The following NDST4 variants were observed in gnomAD, a reference collection of about 807,000 sequenced individuals.
The protein encoded by NDST4 is N-heparan sulfate sulfotransferase 4.
A neutral mutation model predicts 100.8 loss-of-function variants in NDST4; 63 were observed. The observed-to-expected ratio is 0.62, with a 90% CI of 0.51 to 0.77. NDST4 has a LOEUF of 0.77. Ranked by LOEUF, NDST4 falls within the 30% of genes least tolerant of loss-of-function variation. The probability of loss-of-function intolerance (pLI) is 0.00; values close to 1 mark genes in which losing one functional copy is unlikely to be tolerated. For missense variants in NDST4, 943 were observed against 1,018.4 expected (o/e 0.93, Z 1.01); for synonymous variants, 377 against 361.8 (o/e 1.04, Z -0.48).
At chr4:114,832,685 C>T (rs1723225884) in intron 12 of NDST4, among the ~76,000 whole-genome samples, 1 of 152,088 alleles carries the variant, frequency 6.6e-6, no homozygotes, top group Non-Finnish European at 1.5e-5. Flanking sequence ...TTTGGACTGG[C>T]TTTAGTGACT....
intron 3 of NDST4, 36 bp downstream of exon 3, chr4:114,977,151 T>C (rs1726656761): frequency 8.0e-7 from 1 of 1,245,186 alleles, no homozygotes; most frequent in Non-Finnish European, 1.2e-6. Context: ...TTCCTATTTA[T>C]ATGTAGCTGC....
chr4:114,829,655 T>C (rs1723151978), intron 13 of NDST4, 135 bp downstream of exon 13: 2 of 575,206 alleles, frequency 3.5e-6, no homozygotes, highest in African/African-American at 3.8e-5. Context: ...ATTATCTCTA[T>C]CATCCTCTAA....
At chr4:114,954,449 G>C (rs956966667) in intron 4 of NDST4, among the ~76,000 whole-genome samples, 6 of 152,074 alleles carry the variant, frequency 3.9e-5, no homozygotes, top group African/African-American at 1.4e-4. Context: ...TAAACGGATT[G>C]AGGTATATTA....
intron 7 of NDST4, among the ~76,000 whole-genome samples, chr4:114,863,877 T>C (rs1723969767): frequency 6.6e-6 from 1 of 152,224 alleles, no homozygotes; most frequent in Non-Finnish European, 1.5e-5. Flanking sequence ...GATGAAATTA[T>C]GTTCCTTGCA....
chr4:115,068,894 G>T (rs1263477650), intron 2 of NDST4, among the ~76,000 whole-genome samples: 3 of 150,842 alleles, frequency 2.0e-5, no homozygotes, highest in Non-Finnish European at 4.4e-5. Context: ...CCAGTTAAAA[G>T]ACAATATAAT....
intron 6 of NDST4, among the ~76,000 whole-genome samples, chr4:114,929,070 G>GTCCGTCCGTCCGTCCGTCCA (rs1725447596): frequency 1.1e-5 from 1 of 92,782 alleles, no homozygotes; most frequent in East Asian, 3.4e-4. Context: ...CCGTCCGTCC[G>GTCCGTCCGTCCGTCCGTCCA]TCCGTCCATC....
At chr4:115,075,373 G>A (rs1191649421) in intron 2 of NDST4, among the ~76,000 whole-genome samples, 1 of 152,052 alleles carries the variant, frequency 6.6e-6, no homozygotes, top group Non-Finnish European at 1.5e-5. Context: ...GATTTGGCAG[G>A]GTAATAATCC....
chr4:115,017,679 G>A (rs1377432736), intron 2 of NDST4, among the ~76,000 whole-genome samples: 1 of 151,960 alleles, frequency 6.6e-6, no homozygotes, highest in Non-Finnish European at 1.5e-5. Context: ...CAGATGATAA[G>A]AGATCAATCC....
chr4:115,097,077 T>A (rs1485042280), intron 1 of NDST4, among the ~76,000 whole-genome samples: 2 of 152,122 alleles, frequency 1.3e-5, no homozygotes, highest in East Asian at 3.9e-4. Flanking sequence ...TTATGTTTTT[T>A]CTTAATCCTT....
chr4:114,990,771 G>A (rs1472483710), intron 2 of NDST4, among the ~76,000 whole-genome samples: 2 of 152,062 alleles, frequency 1.3e-5, no homozygotes, highest in African/African-American at 2.4e-5. Flanking sequence ...CTAATAGGAA[G>A]CAATTTGCTT....
chr4:114,851,069 C>G (rs572587410), intron 8 of NDST4, among the ~76,000 whole-genome samples: 1 of 152,212 alleles, frequency 6.6e-6, no homozygotes, highest in South Asian at 2.1e-4. Flanking sequence ...AAAAACTGAG[C>G]AAATAGGAGT....
chr4:114,914,947 T>A (rs1268902752), intron 6 of NDST4, among the ~76,000 whole-genome samples: 1 of 152,160 alleles, frequency 6.6e-6, no homozygotes, highest in Non-Finnish European at 1.5e-5. Flanking sequence ...TCTTTTAATA[T>A]CTGTTCCTAT....
chr4:114,931,379 A>G (rs971117566), intron 6 of NDST4, among the ~76,000 whole-genome samples: 4 of 151,628 alleles, frequency 2.6e-5, no homozygotes, highest in African/African-American at 9.7e-5. Context: ...AGGGAAATTT[A>G]TGGCACTAAA....
chr4:114,980,476 T>C (rs1191546922), intron 2 of NDST4, among the ~76,000 whole-genome samples: 1 of 152,022 alleles, frequency 6.6e-6, no homozygotes, highest in South Asian at 2.1e-4. Flanking sequence ...ACCCCTTCTC[T>C]ACTAATAATA....
chr4:115,019,771 A>G (rs984732370), intron 2 of NDST4, among the ~76,000 whole-genome samples: 3 of 152,148 alleles, frequency 2.0e-5, no homozygotes, highest in Admixed American at 1.3e-4. Context: ...CAACAAATGA[A>G]TAATGCTAGT....
intron 2 of NDST4, among the ~76,000 whole-genome samples, chr4:115,055,258 A>G (rs1276162017): frequency 4.6e-5 from 7 of 152,082 alleles, no homozygotes; most frequent in African/African-American, 1.7e-4. Context: ...GTGTATAATT[A>G]TTTCATAATA....
intron 4 of NDST4, among the ~76,000 whole-genome samples, chr4:114,948,145 AT>A (rs35350731): frequency 1.3e-5 from 2 of 152,026 alleles, no homozygotes; most frequent in Non-Finnish European, 2.9e-5. Flanking sequence ...TTTAAATATT[AT>A]TTTTGATTCA....
chr4:114,922,131 G>C (rs994268795), intron 6 of NDST4, among the ~76,000 whole-genome samples: 11 of 152,096 alleles, frequency 7.2e-5, no homozygotes, highest in Admixed American at 6.6e-4. Flanking sequence ...AATAATAATC[G>C]GTTGCAGCAG....
intron 2 of NDST4, among the ~76,000 whole-genome samples, chr4:115,024,360 C>A (rs1727931873): frequency 1.3e-5 from 2 of 152,232 alleles, no homozygotes; most frequent in Non-Finnish European, 2.9e-5. Context: ...GCCTGCAAAG[C>A]CAAAGGAGTG....
Sources: allele counts gnomAD v4.1 joint callset (sites outside exome capture counted in the v4.1 genomes callset), GRCh38; gene constraint gnomAD v4.1.1; transcripts MANE v1.5; gene names NCBI Gene and HGNC (gene_info 2026-07-23, HGNC 2026-07-21).